Variants in CEP126 observed in about 807,000 individuals in gnomAD.
The protein encoded by CEP126 is centrosomal protein of 126 kDa.
In CEP126, 74 loss-of-function variants were observed where a neutral mutation model predicts 107.8. The observed-to-expected ratio is 0.69, with a 90% CI of 0.57 to 0.83. The LOEUF (loss-of-function observed/expected upper bound fraction) is 0.83, where lower values mean the gene tolerates loss of function less well. CEP126 is among the 40% of genes least tolerant of loss of function. The pLI is 0.00. For missense variants in CEP126, 1,237 were observed against 1,281.9 expected, an observed-to-expected ratio of 0.96 and a Z score of 0.53; for synonymous variants, 449 against 446.0, an observed-to-expected ratio of 1.01 and a Z score of -0.08.
intron 6 of CEP126, among the ~76,000 whole-genome samples, chr11:101,974,194 T>C (rs1941166859): frequency 6.6e-6 from 1 of 152,196 alleles, no homozygotes; most frequent in South Asian, 2.1e-4. Context: ...ACAAGGTCAC[T>C]ATAATTTTGG....
Position 101,933,492 on chromosome 11 carries a change from G to T in CEP126, c.248+10732G>T, listed in dbSNP as rs143186549. 9.4e-3 allele frequency among the ~76,000 whole-genome samples: 1,429 copies of T among 152,228 alleles called. 26 individuals carry two copies. The highest frequency in any genetic ancestry group is 0.033 in the African/African-American group (1,351 of 41,554). On this transcript the variant is annotated intron_variant, in intron 2 of 10. Coordinates refer to ENST00000263468, the MANE Select transcript of CEP126 (RefSeq NM_020802.4). Reference sequence around the variant, plus strand: ...TGCACAAGTTACTGAACCTTTTTAAGATTCAGGATTTTTGTCTGTAAAATG... The same window carrying T: ...TGCACAAGTTACTGAACCTTTTTAATATTCAGGATTTTTGTCTGTAAAATG...
chr11:101,953,768 G>A (rs1267142625), intron 4 of CEP126, among the ~76,000 whole-genome samples: 1 of 152,128 alleles, frequency 6.6e-6, no homozygotes, highest in East Asian at 1.9e-4. Context: ...ACAAGTGGAA[G>A]TTGTGGTAGT....
At chr11:101,961,387 AT>A (rs1228418486) in intron 5 of CEP126, among the ~76,000 whole-genome samples, 2 of 152,098 alleles carry the variant, frequency 1.3e-5, no homozygotes, top group African/African-American at 4.8e-5. Context: ...TTTATAAATA[AT>A]TATTTTTCAG....
chr11:101,950,181 G>A (rs1329118794), intron 4 of CEP126, among the ~76,000 whole-genome samples: 1 of 152,164 alleles, frequency 6.6e-6, no homozygotes, highest in East Asian at 1.9e-4. Context: ...ACTTTTGTCA[G>A]ACCAATTTTA....
chr11:101,924,776 T>G (rs1239861277), intron 2 of CEP126, among the ~76,000 whole-genome samples: 2 of 152,060 alleles, frequency 1.3e-5, no homozygotes, highest in Non-Finnish European at 2.9e-5. Flanking sequence ...TAAATAGTAT[T>G]TTCTTCAGGT....
rs752384562 is a variant in CEP126, at chr11:101,962,081, A to G, written c.1046A>G (p.Asn349Ser). The change falls in exon 6 of 11, where the codon AAT (asparagine) becomes AGT (serine). Residue 349 changes from asparagine to serine, a missense_variant. This residue lies in a region of CEP126 where 1,134 missense variants were observed against 1,150.5 expected (regional missense o/e 0.99). Coordinates refer to ENST00000263468, the MANE Select transcript of CEP126 (RefSeq NM_020802.4). ...GAATATTTTAATAGTAAAGAACAAA[A>G]TCCATCTCCTTTGAATGGAACAGTG... ...SWEYFNSKEQ[N>S]PSPLNGTVER... The G allele has an allele frequency of 6.2e-7, 1 of 1,612,628 alleles. No homozygotes were observed. The highest frequency in any genetic ancestry group is 1.7e-5 in the Admixed American group (1 of 59,794).
intron 4 of CEP126, among the ~76,000 whole-genome samples, chr11:101,953,355 A>T (rs1940838456): frequency 6.6e-6 from 1 of 152,206 alleles, no homozygotes; most frequent in South Asian, 2.1e-4. Context: ...ATAGACTTAG[A>T]AAGTTAACTC....
chr11:101,954,535 T>A (rs934019975), intron 4 of CEP126, among the ~76,000 whole-genome samples: 11 of 152,302 alleles, frequency 7.2e-5, no homozygotes, highest in African/African-American at 2.6e-4. Flanking sequence ...ATAGAAATGA[T>A]CTTCATTGTG....
chr11:101,939,125 A>G (rs2137092112), intron 2 of CEP126, among the ~76,000 whole-genome samples: 2 of 152,258 alleles, frequency 1.3e-5, no homozygotes, highest in Middle Eastern at 6.8e-3. Context: ...TCTTACTGAT[A>G]CTTTTTTCCA....
At chr11:101,938,363 C>T (rs1940621879) in intron 2 of CEP126, among the ~76,000 whole-genome samples, 3 of 148,038 alleles carry the variant, frequency 2.0e-5, no homozygotes, top group African/African-American at 2.5e-5. Flanking sequence ...TATCAGTTTT[C>T]TTAACATTTT....
At chr11:101,972,455 T>A (rs1034691520) in intron 6 of CEP126, among the ~76,000 whole-genome samples, 1 of 149,528 alleles carries the variant, frequency 6.7e-6, no homozygotes, top group Non-Finnish European at 1.5e-5. Flanking sequence ...GAGCCCCATA[T>A]GCTTCTTCCC....
chr11:101,983,087 T>C (rs545948633), intron 8 of CEP126, among the ~76,000 whole-genome samples: 1 of 152,324 alleles, frequency 6.6e-6, no homozygotes, highest in South Asian at 2.1e-4. Context: ...AAGACCTACA[T>C]GCATTACTCA....
intron 2 of CEP126, among the ~76,000 whole-genome samples, chr11:101,926,906 C>A (rs1184228738): frequency 1.3e-5 from 2 of 152,170 alleles, no homozygotes; most frequent in Non-Finnish European, 2.9e-5. Context: ...TGCCTTTGAG[C>A]TATTAAGCTT....
At chr11:101,953,391 G>C (rs923097551) in intron 4 of CEP126, among the ~76,000 whole-genome samples, 2 of 151,944 alleles carry the variant, frequency 1.3e-5, no homozygotes, top group African/African-American at 4.8e-5. Context: ...CATAGAGAAG[G>C]AGAAGATTTT....
chr11:101,948,636 A>C (rs1940771196), intron 4 of CEP126, among the ~76,000 whole-genome samples: 1 of 152,234 alleles, frequency 6.6e-6, no homozygotes, highest in African/African-American at 2.4e-5. Flanking sequence ...TGGACCAATC[A>C]ACCACTGGGT....
At chr11:101,950,402 T>G (rs559099278) in intron 4 of CEP126, among the ~76,000 whole-genome samples, 2 of 152,294 alleles carry the variant, frequency 1.3e-5, no homozygotes, top group Non-Finnish European at 2.9e-5. Context: ...AATCGCAGTC[T>G]AGAAAGGTAG....
intron 10 of CEP126, among the ~76,000 whole-genome samples, chr11:101,993,116 T>G (rs1216241100): frequency 6.6e-6 from 1 of 152,198 alleles, no homozygotes; most frequent in Non-Finnish European, 1.5e-5. Context: ...AAGTAAATTG[T>G]GTATCGCAGG....
chr11:101,927,194 C>T (rs1227619946), intron 2 of CEP126, among the ~76,000 whole-genome samples: 2 of 152,080 alleles, frequency 1.3e-5, no homozygotes, highest in African/African-American at 4.8e-5. Flanking sequence ...CCCAGCTATT[C>T]AGGAGGCTGA....
At chr11:101,989,219 A>G (rs1475231303) in intron 9 of CEP126, among the ~76,000 whole-genome samples, 1 of 152,186 alleles carries the variant, frequency 6.6e-6, no homozygotes. Flanking sequence ...GAAAAAAAAT[A>G]ATAGGAATTT....
Sources: allele counts gnomAD v4.1 joint callset (sites outside exome capture counted in the v4.1 genomes callset), GRCh38; gene constraint gnomAD v4.1.1; regional missense constraint gnomAD v4.1.1; transcripts MANE v1.5; gene names NCBI Gene and HGNC (gene_info 2026-07-23, HGNC 2026-07-21).